The following GSDME variants were observed in gnomAD, a reference collection of about 807,000 sequenced individuals.
GSDME encodes gasdermin-E.
GSDME carries 44 observed loss-of-function variants against 47.5 expected under a neutral mutation model. That is an observed-to-expected ratio of 0.93 (90% CI 0.73 to 1.19). GSDME has a LOEUF of 1.19. Among genes scored for constraint, GSDME ranks in the 50% most tolerant of loss-of-function variants. GSDME has a pLI of 0.00. For synonymous variants in GSDME, 258 were observed against 252.8 expected (o/e 1.02, Z -0.20); for missense variants, 663 against 604.2 (o/e 1.10, Z -1.02).
At position 24,732,654 on chromosome 7, in the gene GSDME, T is replaced by C. The variant is rs1205834579; in HGVS notation, c.404+11908A>G. 6.6e-6 allele frequency among the ~76,000 whole-genome samples: 1 copy of C among 152,112 alleles called. No individual in the cohort carries two copies. Among genetic ancestry groups the C allele is most frequent in the Non-Finnish European group, 1.5e-5 (1 of 68,024 alleles). ...GGGAGAGCACAGCAACTGTGGGACT[T>C]TGCATGGAACTCAGTGCTGCCAACA... On this transcript the variant is annotated intron_variant, in intron 3 of 9. Coordinates refer to ENST00000645220, the MANE Select transcript of GSDME (RefSeq NM_001127453.2). The surrounding 1 kb of genome is among the most constrained non-coding windows in gnomAD (Gnocchi z 4.8).
Position 24,741,705 on chromosome 7 carries a change from C to T in GSDME, c.404+2857G>A, listed in dbSNP as rs184354306. On this transcript the variant is annotated intron_variant, in intron 3 of 9. Transcript: ENST00000645220. ...GGGAATGTACAGTCCTTAAGCATCA[C>T]GAACTGCCACTCCCAAGGCCACGCA... Among the ~76,000 whole-genome samples, 6 of 152,288 alleles carry T rather than the reference C, an allele frequency of 3.9e-5. No individual in the cohort carries two copies. The East Asian group carries it at 9.6e-4, about 24-fold the overall frequency.
chr7:24,718,927 GT>G lies in GSDME; in HGVS notation c.576+119del, dbSNP rs903543202. 6.9e-6 allele frequency: 8 copies of G among 1,155,540 alleles called. No individual in the cohort carries two copies. In the African/African-American group the frequency reaches 1.2e-4, roughly 18 times the overall value. The allele number at this position is 1,155,540 out of a possible 1,614,324, so 71.6% of individuals were successfully genotyped here. ...GCTCATTTAAGACAACGTGAGTTGGGTTTCTGTTAACTTGCTACGGAAAGAG... is the reference window on the plus strand; with the variant it reads ...GCTCATTTAAGACAACGTGAGTTGGGTTCTGTTAACTTGCTACGGAAAGAG... On this transcript the variant is annotated intron_variant, in intron 4 of 9. Coordinates refer to ENST00000645220, the MANE Select transcript of GSDME (RefSeq NM_001127453.2).
chr7:24,703,546 T>C (rs1426174600), intron 8 of GSDME: 3 of 153,712 alleles, frequency 2.0e-5, no homozygotes, highest in Non-Finnish European at 4.3e-5. Context: ...CCCTTGGGGG[T>C]ACAAGCTTTG....
Position 24,744,882 on chromosome 7 carries a change from G to C in GSDME, c.212-128C>G, listed in dbSNP as rs1415320747. The C allele has an allele frequency of 3.1e-6, 3 of 976,624 alleles. No individual in the cohort carries two copies. Among genetic ancestry groups the C allele is most frequent in the African/African-American group, 3.2e-5 (2 of 62,070 alleles). 60.5% of individuals were successfully genotyped at this position (976,624 alleles called of 1,614,324 possible). Reference sequence around the variant, plus strand: ...AAGGCTGGCACTCAGATGGAAAGCCGGCAGCCATGCTGTGTGTGTGGGCAA... The same window carrying C: ...AAGGCTGGCACTCAGATGGAAAGCCCGCAGCCATGCTGTGTGTGTGGGCAA... On this transcript the variant is annotated intron_variant, in intron 2 of 9. Coordinates refer to ENST00000645220, the MANE Select transcript of GSDME (RefSeq NM_001127453.2). This position sits in a 1 kb window ranked among gnomAD's most constrained non-coding sequence, Gnocchi z 4.5.
chr7:24,731,256 A>G (rs1790135432), intron 3 of GSDME, among the ~76,000 whole-genome samples: 1 of 152,198 alleles, frequency 6.6e-6, no homozygotes, highest in Non-Finnish European at 1.5e-5. Flanking sequence ...ATCTCCTGCC[A>G]CAAACAAAAC....
At chr7:24,793,430 T>A in the GSDME span, among the ~76,000 whole-genome samples, 1 of 152,188 alleles carries the variant, frequency 6.6e-6, no homozygotes, top group Non-Finnish European at 1.5e-5. Flanking sequence ...CAAAACAAAA[T>A]TTTTAAAAAC....
At chr7:24,778,114 T>C in the GSDME span, among the ~76,000 whole-genome samples, 2 of 151,362 alleles carry the variant, frequency 1.3e-5, no homozygotes, top group Admixed American at 1.3e-4. The surrounding 1 kb of genome is among the most constrained non-coding windows in gnomAD (Gnocchi z 5.6). Context: ...AGACTGTGTA[T>C]GTGCATGTGT....
rs1562691287 is a variant in GSDME at position 24,710,313 on chromosome 7, A to T, written c.773T>A (p.Leu258Gln). The T allele has an allele frequency of 1.2e-6, 2 of 1,614,240 alleles. No individual in the cohort carries two copies. The highest frequency in any genetic ancestry group is 1.7e-6 in the Non-Finnish European group (2 of 1,180,028). Residue 258 changes from leucine to glutamine, a missense_variant, in exon 6 of 10, where the codon CTG becomes CAG. By Grantham distance (113) the Leu-to-Gln change is moderately radical. Coordinates refer to ENST00000645220, the MANE Select transcript of GSDME (RefSeq NM_001127453.2). ...TATGAATGCAAACTCTCGAAAGACC[A>T]GGGGGTCCAGGTAGACAGAGTCAAT... ...KRIDSVYLDP[L>Q]VFREFAFIDM...
At position 24,749,619 on chromosome 7, in the gene GSDME, C is replaced by T. The variant is rs140311101; in HGVS notation, c.156G>A (p.Gln52=). The change falls in exon 2 of 10, where the codon CAG becomes CAA. Residue 52 remains glutamine (Q), a synonymous_variant. Coordinates refer to ENST00000645220, the MANE Select transcript of GSDME (RefSeq NM_001127453.2). The part of the protein sequence containing the change: ...RFWCWQRPKY[Q]FLSLTLGDVL... Reference sequence around the variant, plus strand: ...CATCGCCAAGGGTGAGGGATAAAAACTGGTACTTGGGTCTCTGCCAGCACC... The same window carrying T: ...CATCGCCAAGGGTGAGGGATAAAAATTGGTACTTGGGTCTCTGCCAGCACC... The T allele has an allele frequency of 1.3e-5, 21 of 1,613,828 alleles. No individual in the cohort carries two copies. The highest frequency in any genetic ancestry group is 1.8e-5 in the Non-Finnish European group (21 of 1,179,982).
At position 24,755,425 on chromosome 7, in the gene GSDME, A is replaced by G. The variant is rs1201860145; in HGVS notation, c.-20+1971T>C. Among the ~76,000 whole-genome samples the G allele has an allele frequency of 5.3e-5, 8 of 152,120 alleles. No individual in the cohort carries two copies. In the East Asian group the frequency reaches 1.3e-3, roughly 26 times the overall value. On this transcript the variant is annotated intron_variant, in intron 1 of 9. Coordinates refer to ENST00000645220, the MANE Select transcript of GSDME (RefSeq NM_001127453.2). ...GATTTACGAGGATACTCAATCACAG[A>G]ACTTCCCCTGCTTCCCTGACCACAT... is the stretch of plus-strand genomic sequence containing the variant.
chr7:24,716,162 G>A lies in GSDME; in HGVS notation c.697+1092C>T, dbSNP rs1310579462. On this transcript the variant is annotated intron_variant, in intron 5 of 9. Transcript: ENST00000645220. This position sits in a 1 kb window ranked among gnomAD's most constrained non-coding sequence, Gnocchi z 4.5. ...AGCAGGCATGTGCGTGGTCTATCAC[G>A]GCCCTTTTAAAAACTGCTGTTACAG... Among the ~76,000 whole-genome samples the A allele has an allele frequency of 6.6e-6, 1 of 152,178 alleles. No individual in the cohort carries two copies. The highest frequency in any genetic ancestry group is 1.5e-5 in the Non-Finnish European group (1 of 68,038).
chr7:24,731,593 C>A (rs1038218458), intron 3 of GSDME, among the ~76,000 whole-genome samples: 1 of 152,262 alleles, frequency 6.6e-6, no homozygotes, highest in Non-Finnish European at 1.5e-5. Flanking sequence ...CCCGGGAGCT[C>A]TGGCGCTTGC....
At chr7:24,707,761 C>T (rs1312512785) in intron 7 of GSDME, 1 of 461,718 alleles carries the variant, frequency 2.2e-6, no homozygotes, top group Admixed American at 3.7e-5. Context: ...GAGCCAGGAA[C>T]ACTAGGAGCC....
chr7:24,741,922 T>C lies in GSDME; in HGVS notation c.404+2640A>G, dbSNP rs192401653. 7.3e-5 allele frequency among the ~76,000 whole-genome samples: 11 copies of C among 150,974 alleles called. No homozygotes were observed. The East Asian group carries it at 2.2e-3, about 30-fold the overall frequency. ...TCCCCTATAGTTCACCCTGTCCTCC[T>C]AGCCGCCTAACAAGGGTGAGGTGAT... On this transcript the variant is annotated intron_variant, in intron 3 of 9. Coordinates refer to ENST00000645220, the MANE Select transcript of GSDME (RefSeq NM_001127453.2).
chr7:24,737,044 TC>T (rs1790329038), intron 3 of GSDME, among the ~76,000 whole-genome samples: 1 of 151,220 alleles, frequency 6.6e-6, no homozygotes, highest in Admixed American at 6.6e-5. Context: ...TGTACATAAA[TC>T]AAAAAAGTAG....
the GSDME span, among the ~76,000 whole-genome samples, chr7:24,775,914 T>C: frequency 1.5e-5 from 2 of 136,170 alleles, no homozygotes; most frequent in African/African-American, 2.8e-5. Flanking sequence ...GCACAGTGGC[T>C]CACGCCTGTA....
chr7:24,756,522 AC>A lies in GSDME; in HGVS notation c.-20+873del, dbSNP rs950354612. On this transcript the variant is annotated intron_variant, in intron 1 of 9. Coordinates refer to ENST00000645220, the MANE Select transcript of GSDME (RefSeq NM_001127453.2). This position sits in a 1 kb window ranked among gnomAD's most constrained non-coding sequence, Gnocchi z 4.2. Reference sequence around the variant, plus strand: ...ATTTCACTCTTCAGCTGCTTCTCCAACCCCACAGCACTCCTTTCATTCCACT... The same window carrying A: ...ATTTCACTCTTCAGCTGCTTCTCCAACCCACAGCACTCCTTTCATTCCACT... Among the ~76,000 whole-genome samples, 4 of 151,904 alleles carry A rather than the reference AC, an allele frequency of 2.6e-5. No homozygotes were observed. Among genetic ancestry groups the A allele is most frequent in the African/African-American group, 9.7e-5 (4 of 41,324 alleles).
chr7:24,717,482 G>T, intron 4 of GSDME, 108 bp from the exon 5 acceptor site: 1 of 1,544,530 alleles, frequency 6.5e-7, no homozygotes, highest in Non-Finnish European at 8.8e-7. Flanking sequence ...GCTGAGCAAT[G>T]TCCACAGAAC....
In GSDME at chr7:24,742,228, ATT is replaced by A. The variant is rs1346909683; in HGVS notation, c.404+2332_404+2333del. Among the ~76,000 whole-genome samples, 1 of 152,150 alleles carries A rather than the reference ATT, an allele frequency of 6.6e-6. No homozygotes were observed. The highest frequency in any genetic ancestry group is 1.5e-5 in the Non-Finnish European group (1 of 68,018). ...CTCGGCCTTAACATTCTGTGCTATC[ATT>A]TTAAGACTTTTACATGATTTAGAGG... On this transcript the variant is annotated intron_variant, in intron 3 of 9. Coordinates refer to ENST00000645220, the MANE Select transcript of GSDME (RefSeq NM_001127453.2). The surrounding 1 kb of genome is among the most constrained non-coding windows in gnomAD (Gnocchi z 4.4).
Sources: gnomAD v4.1 joint callset for allele counts (sites outside exome capture counted in the v4.1 genomes callset) on GRCh38, gnomAD v4.1.1 for gene constraint, Gnocchi (gnomAD v3.1) non-coding constraint, MANE v1.5 for transcripts, NCBI Gene and HGNC (gene_info 2026-07-23, HGNC 2026-07-21) for gene names.